Variants in CEP112 observed in about 807,000 individuals in gnomAD.
CEP112 encodes the protein centrosomal protein 112.
Under a neutral mutation model 153.0 loss-of-function variants are expected in CEP112, and 127 were observed. The observed-to-expected ratio is 0.83, with a 90% CI of 0.72 to 0.96. The LOEUF (loss-of-function observed/expected upper bound fraction) is 0.96. Ranked by LOEUF, CEP112 falls within the 40% of genes least tolerant of loss-of-function variation. The pLI is 0.00. For missense variants in CEP112, 1,089 were observed against 1,101.2 expected (o/e 0.99, Z 0.16); for synonymous variants, 358 against 374.4 (o/e 0.96, Z 0.51).
At chr17:65,995,245 T>C (rs1170279704) in intron 17 of CEP112, among the ~76,000 whole-genome samples, 2 of 152,098 alleles carry the variant, frequency 1.3e-5, no homozygotes, top group East Asian at 3.9e-4. Flanking sequence ...GTTTTTGTTC[T>C]TCCTTCCTTG....
intron 6 of CEP112, among the ~76,000 whole-genome samples, chr17:66,120,647 T>C (rs903620381): frequency 3.3e-5 from 5 of 152,240 alleles, no homozygotes; most frequent in South Asian, 2.1e-4. Context: ...TGTATGCCCA[T>C]AGAGTTGCTT....
At chr17:65,781,927 A>G (rs2054020317) in intron 21 of CEP112, among the ~76,000 whole-genome samples, 1 of 152,220 alleles carries the variant, frequency 6.6e-6, no homozygotes, top group African/African-American at 2.4e-5. Flanking sequence ...AGGAAACACC[A>G]TTCTGGACCT....
chr17:65,717,789 G>A (rs1488346451), intron 23 of CEP112, among the ~76,000 whole-genome samples: 1 of 152,206 alleles, frequency 6.6e-6, no homozygotes, highest in Non-Finnish European at 1.5e-5. Context: ...GAAGGCATGG[G>A]TGGCTGAAGG....
chr17:65,777,931 G>C (rs960387708), intron 21 of CEP112, among the ~76,000 whole-genome samples: 2 of 152,002 alleles, frequency 1.3e-5, no homozygotes, highest in Non-Finnish European at 1.5e-5. Context: ...TCAGTTCATT[G>C]GTCCATCACA....
chr17:66,013,335 G>A (rs1274631887), intron 16 of CEP112, among the ~76,000 whole-genome samples: 1 of 152,198 alleles, frequency 6.6e-6, no homozygotes, highest in African/African-American at 2.4e-5. Context: ...TTTCTCATCT[G>A]TGTGGGCTCA....
At chr17:66,050,763 T>C (rs2066405358) in intron 12 of CEP112, among the ~76,000 whole-genome samples, 1 of 152,144 alleles carries the variant, frequency 6.6e-6, no homozygotes, top group Admixed American at 6.5e-5. Context: ...CATGGTGTAA[T>C]TCATCTTGCT....
intron 24 of CEP112, among the ~76,000 whole-genome samples, chr17:65,674,069 G>T (rs2047109164): frequency 6.6e-6 from 1 of 152,038 alleles, no homozygotes; most frequent in South Asian, 2.1e-4. Flanking sequence ...TAGAGACAGG[G>T]TTTCACCATG....
At chr17:65,922,231 C>A (rs1347867321) in intron 19 of CEP112, among the ~76,000 whole-genome samples, 1 of 152,082 alleles carries the variant, frequency 6.6e-6, no homozygotes, top group Non-Finnish European at 1.5e-5. Flanking sequence ...CATTTCTTAT[C>A]TCTCTCTTTC....
chr17:65,681,827 C>T (rs2047546731), intron 24 of CEP112, among the ~76,000 whole-genome samples: 1 of 151,396 alleles, frequency 6.6e-6, no homozygotes, highest in South Asian at 2.1e-4. Context: ...GTGCACATCA[C>T]CACACCTGGC....
chr17:66,136,351 G>C (rs985319016), intron 4 of CEP112, among the ~76,000 whole-genome samples: 3 of 152,138 alleles, frequency 2.0e-5, no homozygotes, highest in Non-Finnish European at 2.9e-5. Flanking sequence ...GCTTTTGGAA[G>C]GGGCTGCCTA....
chr17:66,179,332 GTATC>G (rs2072619922), intron 2 of CEP112, among the ~76,000 whole-genome samples: 1 of 151,938 alleles, frequency 6.6e-6, no homozygotes, highest in African/African-American at 2.4e-5. Context: ...TGAACATAGG[GTATC>G]TTTCTGTTTT....
At chr17:65,817,516 A>G (rs1013922930) in intron 21 of CEP112, among the ~76,000 whole-genome samples, 2 of 151,914 alleles carry the variant, frequency 1.3e-5, no homozygotes, top group African/African-American at 4.8e-5. Context: ...TGTGATTTTT[A>G]AAAATCTGAT....
At chr17:66,129,902 A>C (rs746914167) in intron 5 of CEP112, 79 bp from the exon 6 acceptor site, 1 of 929,774 alleles carries the variant, frequency 1.1e-6, no homozygotes, top group Non-Finnish European at 1.7e-6. Flanking sequence ...AAGAGATAAA[A>C]GAGGAAAAGA....
chr17:66,048,185 T>A (rs2066292460), intron 12 of CEP112, among the ~76,000 whole-genome samples: 1 of 152,050 alleles, frequency 6.6e-6, no homozygotes, highest in Non-Finnish European at 1.5e-5. Context: ...CAGCTGACTG[T>A]ATTTGTAAAA....
At chr17:65,655,500 T>C (rs1404561888) in intron 24 of CEP112, 4 of 645,684 alleles carry the variant, frequency 6.2e-6, no homozygotes, top group East Asian at 2.8e-5. Flanking sequence ...ATAATACATG[T>C]TGACTTTATT....
chr17:65,913,375 A>G (rs2060357001), intron 19 of CEP112: 2 of 432,162 alleles, frequency 4.6e-6, no homozygotes, highest in Non-Finnish European at 6.2e-6. Flanking sequence ...ATAAGGACAT[A>G]TACAATCTTC....
intron 21 of CEP112, among the ~76,000 whole-genome samples, chr17:65,764,396 T>A (rs1189792674): frequency 6.6e-6 from 1 of 152,276 alleles, no homozygotes; most frequent in Non-Finnish European, 1.5e-5. Context: ...TCTCCCTTCA[T>A]GTCCATTAAT....
rs144070149 is a variant in CEP112, at chr17:66,083,659, G to A, written c.768+12592C>T. ...AGCTCAGGAGTTCGAAACCAGCCCG[G>A]GCAACACGGTGAAACCCCGTCTCTA... On this transcript the variant is annotated intron_variant, in intron 8 of 26. Transcript: ENST00000535342. Among the ~76,000 whole-genome samples, 852 of 152,222 alleles carry A rather than the reference G, an allele frequency of 5.6e-3. 4 individuals carry two copies. Among genetic ancestry groups the A allele is most frequent in the Non-Finnish European group, 7.8e-3 (529 of 68,016 alleles).
chr17:65,774,559 C>G (rs1372687637), intron 21 of CEP112, among the ~76,000 whole-genome samples: 1 of 152,190 alleles, frequency 6.6e-6, no homozygotes, highest in Admixed American at 6.5e-5. Context: ...TACAACATTT[C>G]CTGGGTGTCT....
Sources: gnomAD v4.1 joint callset for allele counts (sites outside exome capture counted in the v4.1 genomes callset) on GRCh38, gnomAD v4.1.1 for gene constraint, MANE v1.5 for transcripts, NCBI Gene and HGNC (gene_info 2026-07-23, HGNC 2026-07-21) for gene names.